The following C1orf87 variants were observed in gnomAD, a reference collection of about 807,000 sequenced individuals.
C1orf87 encodes chromosome 1 open reading frame 87, also known as uncharacterized protein C1orf87.
C1orf87 carries 58 observed loss-of-function variants against 60.5 expected under a neutral mutation model. That is an observed-to-expected ratio of 0.96 (90% CI 0.78 to 1.19). The LOEUF is 1.19. C1orf87 is among the 50% of genes most tolerant of loss of function. The pLI, the probability that C1orf87 is intolerant of heterozygous loss-of-function variation, is 0.00. For missense variants in C1orf87, 673 were observed against 638.6 expected, an observed-to-expected ratio of 1.05 and a Z score of -0.58; for synonymous variants, 236 against 227.4, an observed-to-expected ratio of 1.04 and a Z score of -0.34.
intron 7 of C1orf87, 102 bp downstream of exon 7, chr1:60,033,374 C>A (rs1574311709): frequency 9.0e-7 from 1 of 1,108,462 alleles, no homozygotes; most frequent in East Asian, 2.5e-5. Flanking sequence ...GTAATGTAAT[C>A]CACAGGCAGA....
At chr1:60,030,927 A>G (rs1244155052) in intron 7 of C1orf87, among the ~76,000 whole-genome samples, 1 of 152,244 alleles carries the variant, frequency 6.6e-6, no homozygotes, top group Non-Finnish European at 1.5e-5. Context: ...GACAAGACCC[A>G]TAGAATATCC....
intron 7 of C1orf87, among the ~76,000 whole-genome samples, chr1:60,032,182 T>C (rs1645242903): frequency 6.6e-6 from 1 of 152,224 alleles, no homozygotes; most frequent in Admixed American, 6.5e-5. Context: ...AACCTCTGTA[T>C]ACCTAGATGA....
At chr1:60,042,700 T>C (rs981443410) in intron 3 of C1orf87, among the ~76,000 whole-genome samples, 2 of 152,228 alleles carry the variant, frequency 1.3e-5, no homozygotes, top group Non-Finnish European at 2.9e-5. Flanking sequence ...ACCTTTTACA[T>C]TTGGAAAGCC....
chr1:60,045,191 A>T (rs1195775096), intron 3 of C1orf87, among the ~76,000 whole-genome samples: 5 of 152,220 alleles, frequency 3.3e-5, no homozygotes, highest in African/African-American at 1.2e-4. Context: ...TTTCTTAAAC[A>T]ATTTAGACCA....
intron 2 of C1orf87, among the ~76,000 whole-genome samples, chr1:60,064,764 A>T (rs1245947656): frequency 1.0e-5 from 1 of 96,914 alleles, no homozygotes; most frequent in Non-Finnish European, 1.8e-5. Flanking sequence ...ATAAATATAT[A>T]ATTATATTTA....
At chr1:60,065,539 C>A (rs1306428039) in intron 2 of C1orf87, among the ~76,000 whole-genome samples, 1 of 152,046 alleles carries the variant, frequency 6.6e-6, no homozygotes, top group Non-Finnish European at 1.5e-5. Context: ...CCTGCATGAA[C>A]AATCATTGTT....
chr1:59,997,963 GC>G, intron 10 of C1orf87, 147 bp from the exon 11 acceptor site: 1 of 728,882 alleles, frequency 1.4e-6, no homozygotes, highest in Non-Finnish European at 2.2e-6. Flanking sequence ...AATCTTCAGT[GC>G]CATAAGATCA....
chr1:60,071,798 T>G (rs1645586089), intron 2 of C1orf87, among the ~76,000 whole-genome samples: 1 of 152,228 alleles, frequency 6.6e-6, no homozygotes, highest in Non-Finnish European at 1.5e-5. Context: ...GTATATTTGT[T>G]CAGTCTATGA....
intron 7 of C1orf87, among the ~76,000 whole-genome samples, chr1:60,029,319 C>T (rs934062449): frequency 3.9e-5 from 6 of 152,164 alleles, no homozygotes; most frequent in Admixed American, 3.3e-4. Context: ...TTGAAACAGC[C>T]TTCTAAAAGG....
chr1:60,044,710 C>T lies in C1orf87; in HGVS notation c.343-3579G>A, dbSNP rs80150499. The stretch of plus-strand genomic sequence containing the variant: ...CATTTTTCCAAAGTGAAGAGTGTTC[C>T]CCACGTGTCAAAAAAGATAAAATGA... On this transcript the variant is annotated intron_variant, in intron 3 of 11. Transcript: ENST00000371201. 3.4e-3 allele frequency among the ~76,000 whole-genome samples: 519 copies of T among 152,180 alleles called. 1 individual carries two copies. Among genetic ancestry groups the T allele is most frequent in the Non-Finnish European group, 5.4e-3 (364 of 68,006 alleles).
intron 8 of C1orf87, among the ~76,000 whole-genome samples, chr1:60,012,346 A>G (rs1057418497): frequency 1.3e-5 from 2 of 152,114 alleles, no homozygotes; most frequent in African/African-American, 2.4e-5. Context: ...TGACACCAGA[A>G]AATTTTCTGC....
At chr1:60,026,878 A>T (rs1210010727) in intron 7 of C1orf87, among the ~76,000 whole-genome samples, 1 of 152,210 alleles carries the variant, frequency 6.6e-6, no homozygotes, top group Non-Finnish European at 1.5e-5. Context: ...CAAAATTAAT[A>T]CAATTATTGT....
chr1:60,064,333 A>ATTTTATATATCATATATAAATT (rs71046362), intron 2 of C1orf87, among the ~76,000 whole-genome samples: 1 of 138,524 alleles, frequency 7.2e-6, no homozygotes, highest in Non-Finnish European at 1.6e-5. Context: ...TATTATATAT[A>ATTTTATATATCATATATAAATT]CTATATATGT....
At chr1:60,013,662 T>C (rs897372516) in intron 8 of C1orf87, among the ~76,000 whole-genome samples, 8 of 151,920 alleles carry the variant, frequency 5.3e-5, no homozygotes, top group Admixed American at 2.6e-4. Context: ...CCTTTCCATG[T>C]TTTGTAGTGT....
chr1:60,046,296 C>T (rs1427232689), intron 3 of C1orf87, among the ~76,000 whole-genome samples: 1 of 138,582 alleles, frequency 7.2e-6, no homozygotes, highest in Admixed American at 7.4e-5. Flanking sequence ...CTTTCTCTCT[C>T]TCTCTCCCTC....
chr1:60,006,011 G>C (rs1411127097), intron 9 of C1orf87, among the ~76,000 whole-genome samples: 1 of 152,070 alleles, frequency 6.6e-6, no homozygotes, highest in East Asian at 1.9e-4. Flanking sequence ...TTGGTTCAAT[G>C]ATGGCCATAA....
intron 9 of C1orf87, among the ~76,000 whole-genome samples, chr1:60,006,178 A>G (rs1377644216): frequency 6.6e-6 from 1 of 152,052 alleles, no homozygotes; most frequent in East Asian, 1.9e-4. Flanking sequence ...AGAATGTCCA[A>G]GTAGTTGAGG....
In C1orf87 at chr1:60,025,499, C is replaced by G; in HGVS notation, c.1030-1G>C. ...CATGCTTCCCACATATAGCCCTGAC[C>G]TACAAGTTAAAAAAAAATAAAAAAG... is the stretch of plus-strand genomic sequence containing the variant. On this transcript the variant is annotated splice_acceptor_variant, in intron 7 of 11. Transcript: ENST00000371201. LOFTEE classifies it high-confidence loss of function. The G allele has an allele frequency of 6.3e-7, 1 of 1,579,480 alleles. No individual in the cohort carries two copies. The highest frequency in any genetic ancestry group is 1.7e-4 in the Middle Eastern group (1 of 5,886).
At chr1:60,004,717 A>G (rs750655236) in intron 9 of C1orf87, among the ~76,000 whole-genome samples, 1 of 152,074 alleles carries the variant, frequency 6.6e-6, no homozygotes, top group Non-Finnish European at 1.5e-5. Flanking sequence ...AGGATAAATA[A>G]TAACCATCTG....
Sources: allele counts gnomAD v4.1 joint callset (sites outside exome capture counted in the v4.1 genomes callset), GRCh38; gene constraint gnomAD v4.1.1; transcripts MANE v1.5; gene names NCBI Gene and HGNC (gene_info 2026-07-23, HGNC 2026-07-21).